The following PRELID2 variants were observed in gnomAD, a reference collection of about 807,000 sequenced individuals.
PRELID2 encodes the protein PRELI domain-containing protein 2.
PRELID2 carries 25 observed loss-of-function variants against 28.4 expected under a neutral mutation model. The ratio of observed to expected loss-of-function variants is 0.88; its 90% confidence interval spans 0.64 to 1.23. PRELID2 has a LOEUF of 1.23. Ranked by LOEUF, PRELID2 falls within the 50% of genes most tolerant of loss-of-function variation. PRELID2 has a pLI of 0.00. For synonymous variants in PRELID2, 76 were observed against 71.6 expected, an observed-to-expected ratio of 1.06 and a Z score of -0.31; for missense variants, 201 against 214.4, an observed-to-expected ratio of 0.94 and a Z score of 0.39.
chr5:145,483,223 T>C (rs900791383), intron 1 of PRELID2, among the ~76,000 whole-genome samples: 3 of 152,138 alleles, frequency 2.0e-5, no homozygotes, highest in Non-Finnish European at 4.4e-5. Flanking sequence ...TCCCACCTCA[T>C]GAATCTGGGC....
chr5:145,629,005 G>A (rs546388263), intron 1 of PRELID2, among the ~76,000 whole-genome samples: 30 of 152,284 alleles, frequency 2.0e-4, no homozygotes, highest in Admixed American at 1.0e-3. Flanking sequence ...AATTTGCTTC[G>A]CCTGAGCTGG....
chr5:145,441,689 C>T, the PRELID2 span, among the ~76,000 whole-genome samples: 4 of 152,084 alleles, frequency 2.6e-5, no homozygotes, highest in Non-Finnish European at 2.9e-5. Flanking sequence ...AGCTACACAT[C>T]CAGGAATCCC....
chr5:145,255,791 T>C, the PRELID2 span, among the ~76,000 whole-genome samples: 1 of 149,792 alleles, frequency 6.7e-6, no homozygotes, highest in African/African-American at 2.5e-5. Flanking sequence ...AAAAACTATA[T>C]ATATATGTTA....
the PRELID2 span, among the ~76,000 whole-genome samples, chr5:145,454,533 AT>A: frequency 3.3e-5 from 5 of 152,286 alleles, no homozygotes; most frequent in African/African-American, 1.2e-4. Context: ...AGAAAACCCC[AT>A]TGTCTCAGCC....
chr5:145,476,926 T>C (rs1752107488), intron 1 of PRELID2, among the ~76,000 whole-genome samples: 1 of 152,306 alleles, frequency 6.6e-6, no homozygotes, highest in African/African-American at 2.4e-5. Flanking sequence ...TTGAATAAAA[T>C]GAGCAAATGC....
chr5:145,644,585 C>T (rs943674972), intron 1 of PRELID2, among the ~76,000 whole-genome samples: 1 of 152,048 alleles, frequency 6.6e-6, no homozygotes, highest in Non-Finnish European at 1.5e-5. Context: ...TCTTGCTTCT[C>T]TGGTTCTTTA....
the PRELID2 span, among the ~76,000 whole-genome samples, chr5:145,313,923 G>C: frequency 1.3e-5 from 2 of 152,138 alleles, no homozygotes; most frequent in Non-Finnish European, 2.9e-5. Flanking sequence ...AAGAATCTAT[G>C]AACATCAAAA....
the PRELID2 span, among the ~76,000 whole-genome samples, chr5:145,244,016 A>G: frequency 6.6e-6 from 1 of 152,036 alleles, no homozygotes; most frequent in Admixed American, 6.6e-5. Flanking sequence ...GCAGTGGCAC[A>G]ATCTCAGCTC....
intron 1 of PRELID2, among the ~76,000 whole-genome samples, chr5:145,557,442 C>G (rs925014520): frequency 3.2e-4 from 49 of 152,116 alleles, no homozygotes; most frequent in Non-Finnish European, 5.9e-5. Flanking sequence ...ACATGACAGG[C>G]AATCTGGATC....
chr5:145,428,255 G>A, the PRELID2 span, among the ~76,000 whole-genome samples: 21 of 152,194 alleles, frequency 1.4e-4, no homozygotes, highest in South Asian at 6.2e-4. Context: ...CACCGTGCCC[G>A]GCCAAACAAT....
chr5:145,263,104 A>C, the PRELID2 span, among the ~76,000 whole-genome samples: 1 of 152,208 alleles, frequency 6.6e-6, no homozygotes, highest in African/African-American at 2.4e-5. Context: ...ACATTATGTA[A>C]AAATAAAAAA....
the PRELID2 span, chr5:145,450,751 G>C: frequency 6.6e-6 from 1 of 152,184 alleles, no homozygotes; most frequent in Admixed American, 6.5e-5. Flanking sequence ...GCTGGACAGA[G>C]AATTCTGCAA....
At chr5:145,751,843 G>A (rs192967833), downstream of PRELID2, among the ~76,000 whole-genome samples, 9 of 152,070 alleles carry the variant, frequency 5.9e-5, no homozygotes, top group Non-Finnish European at 8.8e-5. Flanking sequence ...TTAGCTAGGC[G>A]TGGTGGCGGG....
intron 1 of PRELID2, chr5:145,826,114 G>C: frequency 1.0e-6 from 1 of 985,322 alleles, no homozygotes; most frequent in Non-Finnish European, 1.2e-6. Context: ...AGACTTAACT[G>C]AGCAGCTACT....
the PRELID2 span, among the ~76,000 whole-genome samples, chr5:145,347,240 G>T: frequency 1.3e-5 from 2 of 152,078 alleles, no homozygotes; most frequent in Admixed American, 6.6e-5. Flanking sequence ...GCCAAGCCTG[G>T]CCTTCAGGCT....
chr5:145,741,784 T>TAA (rs1561568609), intron 1 of PRELID2, among the ~76,000 whole-genome samples: 1,384 of 113,690 alleles, frequency 0.012, 52 homozygotes, highest in East Asian at 0.089. Context: ...AAAATTTATT[T>TAA]ATAAAGTATT....
chr5:145,778,743 T>C (rs1320373847), intron 5 of PRELID2, among the ~76,000 whole-genome samples: 1 of 151,996 alleles, frequency 6.6e-6, no homozygotes, highest in Non-Finnish European at 1.5e-5. Context: ...TGACTCACAG[T>C]CTCCCTTGGA....
At chr5:145,418,709 C>A in the PRELID2 span, among the ~76,000 whole-genome samples, 297 of 150,160 alleles carry the variant, frequency 2.0e-3, 1 homozygote, top group Non-Finnish European at 3.7e-3. Context: ...TGAAACTGAA[C>A]CCCTTCCTTA....
the PRELID2 span, among the ~76,000 whole-genome samples, chr5:145,404,026 C>T: frequency 1.3e-5 from 2 of 152,078 alleles, no homozygotes; most frequent in Non-Finnish European, 2.9e-5. Flanking sequence ...TGTACCAAAC[C>T]ATCTCATTTG....
Sources: gnomAD v4.1 joint callset for allele counts (sites outside exome capture counted in the v4.1 genomes callset) on GRCh38, gnomAD v4.1.1 for gene constraint, MANE v1.5 for transcripts, NCBI Gene and HGNC (gene_info 2026-07-23, HGNC 2026-07-21) for gene names.